Variants in PAGE2B observed in about 807,000 individuals in gnomAD.
The protein encoded by PAGE2B is putative G antigen family E member 3.
PAGE2B carries 5 observed loss-of-function variants against 7.6 expected under a neutral mutation model. The observed-to-expected ratio is 0.66, with a 90% confidence interval of 0.34 to 1.38. PAGE2B has a LOEUF of 1.38. PAGE2B is among the 40% of genes most tolerant of loss of function. PAGE2B has a pLI of 0.04. For missense variants in PAGE2B, 70 were observed against 78.4 expected (o/e 0.89, Z 0.41); for synonymous variants, 29 against 26.7 (o/e 1.09, Z -0.27).
chrX:55,042,653 CAAAAAAAAAAAAAAAAAAAAA>C, the PAGE2B span, among the ~76,000 whole-genome samples: 7 of 11,858 alleles, frequency 5.9e-4, no homozygotes, highest in Non-Finnish European at 7.5e-4. Flanking sequence ...GACTCCGTCT[CAAAAAAAAAAAAAAAAAAAAA>C]AAAAAAAAAA....
At chrX:55,076,404 ATATG>A (rs199955679) in intron 2 of PAGE2B, among the ~76,000 whole-genome samples, 161 bp from the exon 3 acceptor site, 1 of 108,121 alleles carries the variant, frequency 9.2e-6, no homozygotes, top group South Asian at 3.9e-4. Context: ...GTATGTGTAT[ATATG>A]TATGTATATA....
chrX:55,041,228 C>T, the PAGE2B span, among the ~76,000 whole-genome samples: 1 of 107,889 alleles, frequency 9.3e-6, no homozygotes, highest in African/African-American at 3.4e-5. Flanking sequence ...ACTACAGGCG[C>T]CTGCCACCAT....
Position 55,076,636 on chromosome X carries a change from C to A in PAGE2B, c.152C>A (p.Pro51His). The A allele has an allele frequency of 8.3e-7, 1 of 1,207,957 alleles. No individual in the cohort carries two copies. Among genetic ancestry groups the A allele is most frequent in the Non-Finnish European group, 1.1e-6 (1 of 894,092 alleles). Residue 51 changes from proline (P) to histidine (H), a missense_variant, in exon 3 of 5, where the codon CCT becomes CAT. Pro to His is a moderately conservative substitution (Grantham distance 77). Transcript: ENST00000374971. ...EPPTDNQGIA[P>H]SGEIENEGAP... ...CCAACTGATAATCAGGGTATTGCAC[C>A]TAGTGGGGAGATCGAAAATGAAGGA...
At chrX:55,048,909 T>G in the PAGE2B span, among the ~76,000 whole-genome samples, 1 of 111,800 alleles carries the variant, frequency 8.9e-6, no homozygotes, top group African/African-American at 3.3e-5. Context: ...TGCTTCCAGT[T>G]TTTGTCCATT....
the PAGE2B span, among the ~76,000 whole-genome samples, chrX:55,054,084 C>T: frequency 5.4e-5 from 6 of 110,254 alleles, no homozygotes; most frequent in East Asian, 2.9e-4. Context: ...TGTGGTGGCA[C>T]GCACCCGTAG....
chrX:55,041,470 G>A, the PAGE2B span, among the ~76,000 whole-genome samples: 3 of 111,909 alleles, frequency 2.7e-5, no homozygotes, highest in African/African-American at 9.7e-5. Flanking sequence ...AAGTTAAAAG[G>A]TTAAGCTGGT....
the PAGE2B span, among the ~76,000 whole-genome samples, chrX:55,049,935 G>T: frequency 8.9e-6 from 1 of 111,942 alleles, no homozygotes; most frequent in Non-Finnish European, 1.9e-5. Context: ...GCTTTCTGTT[G>T]TGGGCATTTA....
At chrX:55,030,422 C>T in the PAGE2B span, among the ~76,000 whole-genome samples, 16 of 111,705 alleles carry the variant, frequency 1.4e-4, no homozygotes, top group Admixed American at 1.5e-3. Context: ...GCTCTTCCCC[C>T]ACCCCTAGGC....
the PAGE2B span, among the ~76,000 whole-genome samples, chrX:55,069,777 G>T: frequency 9.0e-6 from 1 of 111,472 alleles, no homozygotes; most frequent in Non-Finnish European, 1.9e-5. Context: ...TTGGGAGGGT[G>T]TATGTGTCCA....
At chrX:55,045,426 G>T in the PAGE2B span, among the ~76,000 whole-genome samples, 11 of 111,566 alleles carry the variant, frequency 9.9e-5, no homozygotes, top group South Asian at 3.8e-4. Context: ...AGAGTTGGGG[G>T]CCTAAGGAAT....
the PAGE2B span, among the ~76,000 whole-genome samples, chrX:55,036,870 C>T: frequency 9.1e-6 from 1 of 109,809 alleles, no homozygotes; most frequent in Non-Finnish European, 1.9e-5. Context: ...GAAACTGGAT[C>T]CCTTCCTTAC....
the PAGE2B span, among the ~76,000 whole-genome samples, chrX:55,067,453 C>T: frequency 8.9e-6 from 1 of 111,830 alleles, no homozygotes; most frequent in South Asian, 3.8e-4. Flanking sequence ...CAGTCTATCA[C>T]TGATGGGAAT....
At chrX:55,050,862 T>C in the PAGE2B span, among the ~76,000 whole-genome samples, 1 of 111,795 alleles carries the variant, frequency 8.9e-6, no homozygotes, top group Admixed American at 9.5e-5. Flanking sequence ...TGATGTTAGC[T>C]GGTTATTTTG....
At chrX:55,051,288 T>C in the PAGE2B span, among the ~76,000 whole-genome samples, 24 of 111,015 alleles carry the variant, frequency 2.2e-4, no homozygotes, top group South Asian at 2.7e-3. Flanking sequence ...TTATGTGTCT[T>C]GGAGTTGCTC....
chrX:55,035,508 A>G, the PAGE2B span, among the ~76,000 whole-genome samples: 1,028 of 111,534 alleles, frequency 9.2e-3, 14 homozygotes, highest in African/African-American at 0.032. Context: ...CATTTCAGGA[A>G]CAGTGAGTTT....
chrX:55,040,584 A>G, the PAGE2B span, among the ~76,000 whole-genome samples: 1 of 111,585 alleles, frequency 9.0e-6, no homozygotes, highest in African/African-American at 3.3e-5. Context: ...GATTCCACTT[A>G]CATAAGTTAG....
At chrX:55,051,510 T>G in the PAGE2B span, among the ~76,000 whole-genome samples, 4 of 111,687 alleles carry the variant, frequency 3.6e-5, no homozygotes, top group African/African-American at 1.3e-4. Context: ...GTTCATTTCT[T>G]TTTATTCTTT....
the PAGE2B span, among the ~76,000 whole-genome samples, chrX:55,059,286 C>CT: frequency 2.7e-5 from 3 of 110,356 alleles, no homozygotes; most frequent in Non-Finnish European, 5.7e-5. Context: ...TCTTCTGTAC[C>CT]TATGCACCCC....
chrX:55,030,986 G>A, the PAGE2B span: 1 of 341,633 alleles, frequency 2.9e-6, no homozygotes, highest in Non-Finnish European at 5.9e-6. Flanking sequence ...GTGGGTACTT[G>A]GGTTAGGACC....
Sources: allele counts gnomAD v4.1 joint callset (sites outside exome capture counted in the v4.1 genomes callset), GRCh38; gene constraint gnomAD v4.1.1; transcripts MANE v1.5; gene names NCBI Gene and HGNC (gene_info 2026-07-23, HGNC 2026-07-21).